Variants in LMO3 observed in about 807,000 individuals in gnomAD.
LMO3 encodes the protein LIM domain only 3.
LMO3 carries 2 observed loss-of-function variants against 15.8 expected under a neutral mutation model. That is an observed-to-expected ratio of 0.13 (90% CI 0.05 to 0.40). The LOEUF is 0.40. Among genes scored for constraint, LMO3 ranks in the 10% least tolerant of loss-of-function variants. The pLI is 0.99. For missense variants in LMO3, 86 were observed against 182.2 expected, an observed-to-expected ratio of 0.47 and a Z score of 3.04; for synonymous variants, 62 against 63.8, an observed-to-expected ratio of 0.97 and a Z score of 0.13.
At position 16,605,228 on chromosome 12, in the gene LMO3, A is replaced by G. The variant is rs1591838533; in HGVS notation, c.-9+838T>C. ...CTTTTAGCTTCCTGGTAACAAATGG[A>G]TTTGATTAAACTGTCACATGCAGCG... On this transcript the variant is annotated intron_variant, in intron 1 of 3. Transcript: ENST00000537304. 2.3e-6 allele frequency: 3 copies of G among 1,301,060 alleles called. No individual in the cohort carries two copies. In the East Asian group the frequency reaches 1.0e-4, roughly 44 times the overall value. The allele number at this position is 1,301,060 out of a possible 1,614,324, so 80.6% of individuals were successfully genotyped here.
chr12:16,554,908 C>T (rs1371411000), intron 3 of LMO3, among the ~76,000 whole-genome samples: 1 of 152,146 alleles, frequency 6.6e-6, no homozygotes, highest in Non-Finnish European at 1.5e-5. Flanking sequence ...TCCGCCCGCC[C>T]GCCTCGGCCT....
chr12:16,553,766 A>G (rs1310069603), intron 3 of LMO3, among the ~76,000 whole-genome samples: 1 of 152,052 alleles, frequency 6.6e-6, no homozygotes, highest in Non-Finnish European at 1.5e-5. Flanking sequence ...AGCAATACAG[A>G]TAGTATGTAT....
chr12:16,608,980 G>A (rs1395693619), upstream of LMO3: 1 of 152,092 alleles, frequency 6.6e-6, no homozygotes, highest in Non-Finnish European at 1.5e-5. This position sits in a 1 kb window ranked among gnomAD's most constrained non-coding sequence, Gnocchi z 4.1. Flanking sequence ...TTGAAAGCAG[G>A]CTATCTCCCC....
intron 3 of LMO3, among the ~76,000 whole-genome samples, chr12:16,552,734 C>G (rs1297761978): frequency 1.3e-5 from 2 of 151,946 alleles, no homozygotes; most frequent in African/African-American, 4.8e-5. Context: ...TCTTGAAATC[C>G]TAGGGTTGTT....
At chr12:16,606,418 A>C (rs1266880038), upstream of LMO3, 1 of 152,278 alleles carries the variant, frequency 6.6e-6, no homozygotes, top group Admixed American at 6.5e-5. Context: ...AGCCAGACAT[A>C]ATACAGCCAA....
At chr12:16,602,523 T>C (rs968448257) in intron 1 of LMO3, among the ~76,000 whole-genome samples, 3 of 152,096 alleles carry the variant, frequency 2.0e-5, no homozygotes, top group Admixed American at 6.5e-5. Context: ...TCTTTCTGCA[T>C]CATAAGCATA....
chr12:16,557,698 A>T (rs988232969), intron 3 of LMO3, among the ~76,000 whole-genome samples: 1 of 152,066 alleles, frequency 6.6e-6, no homozygotes, highest in Non-Finnish European at 1.5e-5. Context: ...ACTTTTGAGA[A>T]CCAGTTGTGT....
rs1340589811 is a variant in LMO3 at position 16,550,600 on chromosome 12, A to T, written c.*622T>A. On this transcript the variant is annotated 3_prime_UTR_variant, in exon 4 of 4. Coordinates refer to ENST00000537304, the MANE Select transcript of LMO3 (RefSeq NM_018640.5). ...TTTAACCCCCTGAAAATAGGGGGTT[A>T]TAACAAGAACACTGATAGACTCTAA... The T allele has an allele frequency of 3.9e-5, 6 of 152,382 alleles. No homozygotes were observed. The highest frequency in any genetic ancestry group is 1.4e-4 in the African/African-American group (6 of 41,456). 9.4% of individuals were successfully genotyped at this position (152,382 alleles called of 1,614,324 possible).
chr12:16,567,404 C>T (rs1942655846), intron 2 of LMO3: 1 of 152,626 alleles, frequency 6.6e-6, no homozygotes, highest in African/African-American at 2.4e-5. Flanking sequence ...AAGGATAACT[C>T]AGGGATAGAA....
chr12:16,600,686 T>C lies in LMO3; in HGVS notation c.175A>G (p.Asn59Asp). Reference sequence around the variant, plus strand: ...TAGTCTCTGCGACAAAGGATAAGATTAGCTTTAGTGTACAGGGTGGAGCCC... The same window carrying C: ...TAGTCTCTGCGACAAAGGATAAGATCAGCTTTAGTGTACAGGGTGGAGCCC... Reference protein sequence around the residue: ...EVGSTLYTKANLILCRRDYLR... With the variant: ...EVGSTLYTKADLILCRRDYLR... Residue 59 changes from asparagine to aspartate, a missense_variant, in exon 2 of 4, where the codon AAT becomes GAT. Asn to Asp is a conservative substitution (Grantham distance 23). Around this residue, in one of 3 missense-constraint regions of LMO3, gnomAD observed 51 missense variants for 140.3 expected, o/e 0.36. Transcript: ENST00000537304. 6.2e-7 allele frequency: 1 copy of C among 1,614,066 alleles called. No homozygotes were observed. Among genetic ancestry groups the C allele is most frequent in the Non-Finnish European group, 8.5e-7 (1 of 1,179,966 alleles).
intron 2 of LMO3, among the ~76,000 whole-genome samples, chr12:16,578,710 T>C (rs1285031008): frequency 6.6e-6 from 1 of 151,700 alleles, no homozygotes; most frequent in Non-Finnish European, 1.5e-5. Context: ...GCTAGTTTCT[T>C]GGAAGGCTGA....
chr12:16,600,291 CAAAAAAA>C (rs35993210), intron 2 of LMO3: 29 of 69,678 alleles, frequency 4.2e-4, no homozygotes, highest in South Asian at 1.6e-3. Context: ...CCTTAAGCTC[CAAAAAAA>C]AAAAAAAAAA....
intron 2 of LMO3, among the ~76,000 whole-genome samples, chr12:16,590,735 A>C (rs565913735): frequency 2.6e-5 from 4 of 152,202 alleles, no homozygotes; most frequent in South Asian, 4.1e-4. Flanking sequence ...TCACATTGAA[A>C]TACTATGATG....
chr12:16,594,595 G>A (rs191627555), intron 2 of LMO3, among the ~76,000 whole-genome samples: 53 of 151,630 alleles, frequency 3.5e-4, no homozygotes, highest in East Asian at 1.9e-4. Flanking sequence ...ATTCTCATAC[G>A]AGTTGGAAAA....
intron 3 of LMO3, among the ~76,000 whole-genome samples, chr12:16,554,366 T>C (rs553654387): frequency 2.0e-5 from 3 of 152,198 alleles, no homozygotes; most frequent in Non-Finnish European, 4.4e-5. Flanking sequence ...AACACTTAGC[T>C]AGGGAGCTCC....
At chr12:16,567,969 A>G (rs1463539892) in intron 2 of LMO3, among the ~76,000 whole-genome samples, 1 of 152,204 alleles carries the variant, frequency 6.6e-6, no homozygotes, top group Admixed American at 6.5e-5. Context: ...GGGTAATAAA[A>G]TTACAGGTAA....
intron 2 of LMO3, among the ~76,000 whole-genome samples, chr12:16,571,116 CAACCT>C (rs1362093137): frequency 6.6e-6 from 1 of 152,030 alleles, no homozygotes; most frequent in Admixed American, 6.6e-5. Context: ...GTTGAAGAAA[CAACCT>C]AACTACTAAT....
At position 16,587,403 on chromosome 12, in the gene LMO3, T is replaced by C. The variant is rs1943353628; in HGVS notation, c.206+13252A>G. The stretch of plus-strand genomic sequence containing the variant: ...AAACATTTCTGCAATAAAATCTTAT[T>C]GAACTGTTGCTTTCATTAATTTTCT... On this transcript the variant is annotated intron_variant, in intron 2 of 3. Transcript: ENST00000537304. This position sits in a 1 kb window ranked among gnomAD's most constrained non-coding sequence, Gnocchi z 4.3. Among the ~76,000 whole-genome samples the C allele has an allele frequency of 6.6e-6, 1 of 152,192 alleles. No individual in the cohort carries two copies. The highest frequency in any genetic ancestry group is 1.5e-5 in the Non-Finnish European group (1 of 68,022).
chr12:16,555,306 T>G lies in LMO3; in HGVS notation c.333-3979A>C, dbSNP rs373188598. The stretch of plus-strand genomic sequence containing the variant: ...TGCCTCCATCAACATCTTCTGACCA[T>G]GTAAATTTGCTTATTCTGATGTTTC... On this transcript the variant is annotated intron_variant, in intron 3 of 3. Coordinates refer to ENST00000537304, the MANE Select transcript of LMO3 (RefSeq NM_018640.5). The surrounding 1 kb of genome is among the most constrained non-coding windows in gnomAD (Gnocchi z 5.5). Among the ~76,000 whole-genome samples the G allele has an allele frequency of 6.6e-6, 1 of 152,220 alleles. No homozygotes were observed. Among genetic ancestry groups the G allele is most frequent in the Non-Finnish European group, 1.5e-5 (1 of 68,038 alleles).
Sources: allele counts gnomAD v4.1 joint callset (sites outside exome capture counted in the v4.1 genomes callset), GRCh38; gene constraint gnomAD v4.1.1; regional missense constraint gnomAD v4.1.1; non-coding constraint Gnocchi (gnomAD v3.1); transcripts MANE v1.5; gene names NCBI Gene and HGNC (gene_info 2026-07-23, HGNC 2026-07-21).